KIAA1328: variants seen among roughly 807,000 people sequenced by gnomAD.
KIAA1328 encodes KIAA1328.
KIAA1328 carries 52 observed loss-of-function variants against 68.1 expected under a neutral mutation model. The ratio of observed to expected loss-of-function variants is 0.76; its 90% CI spans 0.61 to 0.96. The LOEUF is 0.96. KIAA1328 is among the 40% of genes least tolerant of loss of function. The pLI is 0.00. For missense variants in KIAA1328, 641 were observed against 677.6 expected (o/e 0.95, Z 0.60); for synonymous variants, 232 against 239.4 (o/e 0.97, Z 0.28).
intron 6 of KIAA1328, among the ~76,000 whole-genome samples, chr18:36,960,005 A>G (rs1320391216): frequency 6.6e-6 from 1 of 152,216 alleles, no homozygotes; most frequent in Non-Finnish European, 1.5e-5. Flanking sequence ...ATGTGATGTG[A>G]AATAAGCCCT....
At chr18:36,893,860 A>G (rs370107465) in intron 5 of KIAA1328, among the ~76,000 whole-genome samples, 1 of 152,172 alleles carries the variant, frequency 6.6e-6, no homozygotes, top group South Asian at 2.1e-4. Flanking sequence ...TATCTCAAGG[A>G]CGTCATATAT....
intron 6 of KIAA1328, chr18:37,063,543 G>C: frequency 1.7e-6 from 1 of 604,044 alleles, no homozygotes; most frequent in African/African-American, 2.0e-5. Flanking sequence ...CTCAAGGAAA[G>C]AAGATAATAA....
chr18:37,040,553 T>A (rs190704562), intron 6 of KIAA1328, among the ~76,000 whole-genome samples: 3 of 152,166 alleles, frequency 2.0e-5, no homozygotes, highest in Non-Finnish European at 4.4e-5. Context: ...TTTTTCCAAT[T>A]TTGTTTTTGT....
At chr18:36,992,439 TTTC>T (rs1568264316) in intron 6 of KIAA1328, among the ~76,000 whole-genome samples, 1 of 103,542 alleles carries the variant, frequency 9.7e-6, no homozygotes, top group Non-Finnish European at 2.1e-5. Context: ...TCCAATTTCT[TTTC>T]TTTTCTTTCT....
chr18:37,056,757 TCTC>T (rs2055925652), intron 6 of KIAA1328, among the ~76,000 whole-genome samples: 1 of 152,076 alleles, frequency 6.6e-6, no homozygotes, highest in African/African-American at 2.4e-5. Flanking sequence ...TTCAAGCAGT[TCTC>T]CTGCTTCAGC....
chr18:37,025,971 C>A (rs949698140), intron 6 of KIAA1328, among the ~76,000 whole-genome samples: 1 of 151,904 alleles, frequency 6.6e-6, no homozygotes, highest in Non-Finnish European at 1.5e-5. Flanking sequence ...ATTCATAGAC[C>A]GCTAGCAAGA....
intron 5 of KIAA1328, among the ~76,000 whole-genome samples, chr18:36,956,544 G>C (rs574880414): frequency 1.5e-4 from 14 of 90,400 alleles, no homozygotes; most frequent in Non-Finnish European, 2.9e-4. Context: ...GGAAGGAAGT[G>C]GGGGGGGGGT....
chr18:36,835,002 T>C (rs909052098), intron 2 of KIAA1328, among the ~76,000 whole-genome samples: 12 of 152,160 alleles, frequency 7.9e-5, no homozygotes, highest in Non-Finnish European at 1.6e-4. Flanking sequence ...AGACCCTGTC[T>C]CTTTAAAAAA....
rs182957322 is a variant in KIAA1328, at chr18:37,008,413, C to A, written c.576+48978C>A. Among the ~76,000 whole-genome samples the A allele has an allele frequency of 1.8e-3, 278 of 152,286 alleles. 1 individual carries two copies. Among genetic ancestry groups the A allele is most frequent in the Non-Finnish European group, 1.9e-3 (128 of 68,024 alleles). On this transcript the variant is annotated intron_variant, in intron 6 of 9. Coordinates refer to ENST00000280020, the MANE Select transcript of KIAA1328 (RefSeq NM_020776.3). ...ACTTGATTTTCTGCTAAAACAACAACAAAATATGCTCTATAGGATTATAAC... is the reference window on the plus strand; with the variant it reads ...ACTTGATTTTCTGCTAAAACAACAAAAAAATATGCTCTATAGGATTATAAC...
At chr18:36,921,962 T>TTGTCCC (rs1453558620) in intron 5 of KIAA1328, among the ~76,000 whole-genome samples, 1 of 151,986 alleles carries the variant, frequency 6.6e-6, no homozygotes, top group Non-Finnish European at 1.5e-5. Flanking sequence ...AGTCTCGCTC[T>TTGTCCC]TGTCCCCCAG....
At chr18:36,985,292 C>G (rs2052871266) in intron 6 of KIAA1328, among the ~76,000 whole-genome samples, 1 of 152,122 alleles carries the variant, frequency 6.6e-6, no homozygotes, top group Non-Finnish European at 1.5e-5. Flanking sequence ...AGGGATAGAC[C>G]TTGTCTCAAA....
intron 7 of KIAA1328, among the ~76,000 whole-genome samples, chr18:37,098,621 A>G (rs368939713): frequency 2.0e-5 from 3 of 152,034 alleles, no homozygotes; most frequent in Non-Finnish European, 4.4e-5. Context: ...CTATTTTTCT[A>G]TTGACTGGAA....
chr18:36,903,209 A>T (rs2049099598), intron 5 of KIAA1328, among the ~76,000 whole-genome samples: 1 of 152,114 alleles, frequency 6.6e-6, no homozygotes, highest in Non-Finnish European at 1.5e-5. Context: ...TAACAGCTAG[A>T]TGAATAACAG....
chr18:37,090,366 G>T (rs2057234073), intron 7 of KIAA1328, among the ~76,000 whole-genome samples: 1 of 152,156 alleles, frequency 6.6e-6, no homozygotes, highest in Non-Finnish European at 1.5e-5. Context: ...AAAGTAAATG[G>T]ATCATTCTCG....
intron 4 of KIAA1328, among the ~76,000 whole-genome samples, chr18:36,880,542 G>A (rs996636012): frequency 6.6e-6 from 1 of 152,222 alleles, no homozygotes; most frequent in East Asian, 1.9e-4. Flanking sequence ...CTTTTTCTTG[G>A]TCTGTAGGCA....
intron 9 of KIAA1328, among the ~76,000 whole-genome samples, chr18:37,180,604 A>G (rs1284796805): frequency 1.3e-5 from 2 of 149,404 alleles, no homozygotes; most frequent in African/African-American, 4.9e-5. Flanking sequence ...ATTTGCTTGC[A>G]TTTGTGTCCA....
rs546936291 is a variant in KIAA1328 at position 36,830,583 on chromosome 18, G to A, written c.58+1387G>A. 3.3e-5 allele frequency among the ~76,000 whole-genome samples: 5 copies of A among 152,136 alleles called. No homozygotes were observed. The South Asian group carries it at 8.3e-4, about 25-fold the overall frequency. Reference sequence around the variant, plus strand: ...TTCAAATATAGAATCAATGGTTTGGGGGGGGGACAAGCTATTGCAATGGGA... The same window carrying A: ...TTCAAATATAGAATCAATGGTTTGGAGGGGGGACAAGCTATTGCAATGGGA... On this transcript the variant is annotated intron_variant, in intron 1 of 9. Coordinates refer to ENST00000280020, the MANE Select transcript of KIAA1328 (RefSeq NM_020776.3).
At chr18:36,992,324 A>T (rs1436291379) in intron 6 of KIAA1328, among the ~76,000 whole-genome samples, 1 of 152,094 alleles carries the variant, frequency 6.6e-6, no homozygotes, top group Non-Finnish European at 1.5e-5. Flanking sequence ...CCAAGGCATA[A>T]AATATTCTTG....
intron 5 of KIAA1328, among the ~76,000 whole-genome samples, chr18:36,953,373 T>TATAGATAG (rs10617798): frequency 8.5e-5 from 12 of 140,710 alleles, no homozygotes; most frequent in East Asian, 2.1e-4. Flanking sequence ...TGCCAACAAC[T>TATAGATAG]ATAGATAGAT....
Sources: allele counts gnomAD v4.1 joint callset (sites outside exome capture counted in the v4.1 genomes callset), GRCh38; gene constraint gnomAD v4.1.1; transcripts MANE v1.5; gene names NCBI Gene and HGNC (gene_info 2026-07-23, HGNC 2026-07-21).